NUP155: variants seen among roughly 807,000 people sequenced by gnomAD.
The protein encoded by NUP155 is nucleoporin 155.
Under a neutral mutation model 180.4 loss-of-function variants are expected in NUP155, and 71 were observed. The observed-to-expected ratio is 0.39, with a 90% CI of 0.33 to 0.48. The LOEUF (loss-of-function observed/expected upper bound fraction) is 0.48. NUP155 is among the 20% of genes least tolerant of loss of function. NUP155 has a pLI of 0.91. For synonymous variants in NUP155, 582 were observed against 559.5 expected (o/e 1.04, Z -0.57); for missense variants, 1,553 against 1,648.9 (o/e 0.94, Z 1.01).
In NUP155 at chr5:37,324,121, A is replaced by G. The variant is rs1276193221; in HGVS notation, c.2092-14T>C. 1.3e-6 allele frequency: 2 copies of G among 1,565,774 alleles called. No individual in the cohort carries two copies. The highest frequency in any genetic ancestry group is 2.7e-5 in the African/African-American group (2 of 73,976). ...ACTACTTTCAATCTGTAAAAATGAA[A>G]GATTTTTCAAAAGTTTAAAAACACA... is the stretch of plus-strand genomic sequence containing the variant. On this transcript the variant is annotated splice_polypyrimidine_tract_variant and intron_variant, in intron 19 of 34. Coordinates refer to ENST00000231498, the MANE Select transcript of NUP155 (RefSeq NM_153485.3).
chr5:37,348,054 A>C (rs1350988460), intron 9 of NUP155, among the ~76,000 whole-genome samples: 1 of 152,128 alleles, frequency 6.6e-6, no homozygotes, highest in Non-Finnish European at 1.5e-5. Flanking sequence ...GAATCGCTTG[A>C]ACGCGCGAGG....
In NUP155 at chr5:37,292,931, C is replaced by T; in HGVS notation, c.3985G>A (p.Val1329Ile). The T allele has an allele frequency of 6.2e-7, 1 of 1,612,484 alleles. No individual in the cohort carries two copies. Residue 1329 changes from valine (V) to isoleucine (I), a missense_variant, in exon 34 of 35, where the codon GTA becomes ATA. Transcript: ENST00000231498. ...TTCTCAACATATCTTATCAATAATACATGTATACAATCCAAAAGGTGCAGT... is the reference window on the plus strand; with the variant it reads ...TTCTCAACATATCTTATCAATAATATATGTATACAATCCAAAAGGTGCAGT... The part of the protein sequence containing the change: ...KPLHLLDCIH[V>I]LLIRYVENPS...
At chr5:37,370,522 A>G (rs1747892090) in intron 1 of NUP155, 1 of 625,968 alleles carries the variant, frequency 1.6e-6, no homozygotes, top group Non-Finnish European at 2.5e-6. Flanking sequence ...TGCTTCTCAT[A>G]TGGCCTTAGC....
rs571831299 is a variant in NUP155, at chr5:37,311,661, G to T, written c.2437-918C>A. Among the ~76,000 whole-genome samples, 10 of 149,932 alleles carry T rather than the reference G, an allele frequency of 6.7e-5. No homozygotes were observed. The South Asian group carries it at 1.1e-3, about 16-fold the overall frequency. On this transcript the variant is annotated intron_variant, in intron 22 of 34. Transcript: ENST00000231498. ...AATATCCATACAGGACAAGGAAAAAGAATTTTTTTTTTTTTTTTTACAGAA... is the reference window on the plus strand; with the variant it reads ...AATATCCATACAGGACAAGGAAAAATAATTTTTTTTTTTTTTTTTACAGAA...
chr5:37,296,838 T>A (rs929849668), intron 32 of NUP155, among the ~76,000 whole-genome samples: 1 of 152,198 alleles, frequency 6.6e-6, no homozygotes, highest in Non-Finnish European at 1.5e-5. Flanking sequence ...TGTGGCCTCA[T>A]TCTTACTTTT....
chr5:37,314,414 T>G (rs1481656962), intron 21 of NUP155, 86 bp from the exon 22 acceptor site: 2 of 1,044,816 alleles, frequency 1.9e-6, no homozygotes, highest in Admixed American at 4.4e-5. Context: ...AAGGTTGAAA[T>G]CCCTGTTGTT....
At chr5:37,365,711 G>GAAAAAAAAAAAAAAAAAA (rs1747518236) in intron 1 of NUP155, among the ~76,000 whole-genome samples, 1 of 34,004 alleles carries the variant, frequency 2.9e-5, no homozygotes, top group African/African-American at 1.6e-4. Context: ...CTGTCTCGGG[G>GAAAAAAAAAAAAAAAAAA]AGAAAAAAAA....
At chr5:37,353,722 T>C (rs1165462027) in intron 4 of NUP155, among the ~76,000 whole-genome samples, 1 of 152,220 alleles carries the variant, frequency 6.6e-6, no homozygotes, top group Non-Finnish European at 1.5e-5. Context: ...TCCATTTATA[T>C]GAGGAAACCT....
chr5:37,319,095 C>A (rs191547984), intron 20 of NUP155, among the ~76,000 whole-genome samples: 27 of 152,284 alleles, frequency 1.8e-4, no homozygotes, highest in African/African-American at 5.8e-4. Flanking sequence ...AAGCCAGACT[C>A]AAAGACCACA....
At position 37,350,326 on chromosome 5, in the gene NUP155, T is replaced by C. The variant is rs150958622; in HGVS notation, c.724-61A>G. On this transcript the variant is annotated intron_variant, in intron 6 of 34. Coordinates refer to ENST00000231498, the MANE Select transcript of NUP155 (RefSeq NM_153485.3). ...TATGTAACTCCCTTACAATAACTAC[T>C]GTATATCCATATTTATAAAAACCTT... 1.8e-4 allele frequency: 182 copies of C among 1,019,868 alleles called. 1 individual carries two copies. In the African/African-American group the frequency reaches 2.6e-3, roughly 15 times the overall value. 63.2% of individuals were successfully genotyped at this position (1,019,868 alleles called of 1,614,324 possible). A position where few individuals can be genotyped will look rare whatever the true frequency, so the allele number is the denominator to read the frequency against.
chr5:37,298,843 G>T, intron 32 of NUP155, 25 bp downstream of exon 32: 2 of 1,187,830 alleles, frequency 1.7e-6, no homozygotes, highest in South Asian at 1.2e-5. Context: ...GAAAATACGT[G>T]ACTGCACCTA....
At chr5:37,340,534 A>G (rs1052236331) in intron 11 of NUP155, among the ~76,000 whole-genome samples, 1 of 152,246 alleles carries the variant, frequency 6.6e-6, no homozygotes, top group Non-Finnish European at 1.5e-5. Flanking sequence ...TGCTACTGAC[A>G]TAAGGATGGA....
chr5:37,364,329 A>G lies in NUP155; in HGVS notation c.213T>C (p.Gly71=), dbSNP rs747025195. 1 of 1,611,730 alleles carries G rather than the reference A, an allele frequency of 6.2e-7. No homozygotes were observed. Among genetic ancestry groups the G allele is most frequent in the Non-Finnish European group, 8.5e-7 (1 of 1,177,822 alleles). The change falls in exon 2 of 35, where the codon GGT becomes GGC. Residue 71 remains glycine (G), a synonymous_variant. Transcript: ENST00000231498. The part of the protein sequence containing the change: ...SDMDYPLQGP[G]LLSVPNLPEI... ...CTGGAAGGTTGGGTACGGACAGCAA[A>G]CCAGGTCCTTGCAAAGGATAATCCA...
intron 21 of NUP155, among the ~76,000 whole-genome samples, chr5:37,314,916 T>C (rs1743788144): frequency 6.6e-6 from 1 of 151,782 alleles, no homozygotes; most frequent in Non-Finnish European, 1.5e-5. Flanking sequence ...GGGACAAAAG[T>C]AAATGGTTGA....
chr5:37,340,985 A>C, intron 11 of NUP155, 105 bp downstream of exon 11: 1 of 969,010 alleles, frequency 1.0e-6, no homozygotes, highest in Non-Finnish European at 1.6e-6. Context: ...AGTAGTTCCC[A>C]GTTTCTACTG....
intron 3 of NUP155, among the ~76,000 whole-genome samples, chr5:37,359,725 C>T (rs1747074966): frequency 6.6e-6 from 1 of 152,056 alleles, no homozygotes; most frequent in South Asian, 2.1e-4. Flanking sequence ...AAAAAAAACC[C>T]CAGTGTCAAG....
chr5:37,333,885 T>G (rs900083021), intron 12 of NUP155, among the ~76,000 whole-genome samples: 2 of 151,944 alleles, frequency 1.3e-5, no homozygotes, highest in African/African-American at 4.8e-5. Context: ...CACTGTAACC[T>G]TTGCCTCCCG....
At chr5:37,299,613 A>C (rs755893378) in intron 30 of NUP155, 45 bp from the exon 31 acceptor site, 2 of 1,595,710 alleles carry the variant, frequency 1.3e-6, no homozygotes, top group East Asian at 2.2e-5. Context: ...AGAGATCAAC[A>C]TTCAGAGATT....
At chr5:37,310,766 T>C in intron 22 of NUP155, 23 bp from the exon 23 acceptor site, 2 of 1,573,772 alleles carry the variant, frequency 1.3e-6, no homozygotes, top group Non-Finnish European at 1.7e-6. Flanking sequence ...AACTTTTCTA[T>C]CACAATTATA....
Sources: gnomAD v4.1 joint callset for allele counts (sites outside exome capture counted in the v4.1 genomes callset) on GRCh38, gnomAD v4.1.1 for gene constraint, MANE v1.5 for transcripts, NCBI Gene and HGNC (gene_info 2026-07-23, HGNC 2026-07-21) for gene names.